Variants in FREM1 observed in about 807,000 individuals in gnomAD.
The protein encoded by FREM1 is FRAS1-related extracellular matrix protein 1.
Under a neutral mutation model 210.1 loss-of-function variants are expected in FREM1, and 220 were observed. That is an observed-to-expected ratio of 1.05 (90% confidence interval 0.94 to 1.17). The LOEUF (loss-of-function observed/expected upper bound fraction) is 1.17, where lower values mean the gene tolerates loss of function less well. Among genes scored for constraint, FREM1 ranks in the 50% most tolerant of loss-of-function variants. FREM1 has a pLI of 0.00. For missense variants in FREM1, 3,454 were observed against 2,675.5 expected (o/e 1.29, Z -6.42); for synonymous variants, 1,189 against 980.2 (o/e 1.21, Z -3.98).
In FREM1 at chr9:14,860,904, C is replaced by CATATATACAT. The variant is rs1419382535; in HGVS notation, c.330-1421_330-1420insATGTATATAT. 2.7e-5 allele frequency among the ~76,000 whole-genome samples: 2 copies of CATATATACAT among 74,200 alleles called. 1 individual carries two copies. The highest frequency in any genetic ancestry group is 2.0e-4 in the African/African-American group (2 of 10,078). The allele number at this position is 74,200 out of a possible 152,430, so 48.7% of individuals were successfully genotyped here. ...ATATACACATATATACATATATACA[C>CATATATACAT]ATATACACATATACACATATATACA... On this transcript the variant is annotated intron_variant, in intron 3 of 36. Coordinates refer to ENST00000380880, the MANE Select transcript of FREM1 (RefSeq NM_001379081.2).
intron 1 of FREM1, among the ~76,000 whole-genome samples, chr9:14,872,940 T>C (rs965180018): frequency 2.0e-5 from 3 of 150,590 alleles, no homozygotes; most frequent in Non-Finnish European, 3.0e-5. Flanking sequence ...GTGGTTTTTG[T>C]CTTTGGTTCT....
intron 25 of FREM1, 138 bp downstream of exon 25, chr9:14,775,651 T>A: frequency 1.7e-6 from 1 of 604,124 alleles, no homozygotes; most frequent in Non-Finnish European, 2.8e-6. Flanking sequence ...GAGATTGAAG[T>A]GAGCCAAGAT....
rs1215909977 is a variant in FREM1, at chr9:14,747,066, G to T, written c.6010-15C>A. 6.2e-7 allele frequency: 1 copy of T among 1,612,802 alleles called. No homozygotes were observed. The highest frequency in any genetic ancestry group is 8.5e-7 in the Non-Finnish European group (1 of 1,179,438). Reference sequence around the variant, plus strand: ...GGCAACTGGTCCTTTGGGAAGGAAAGGCAATTTAGCAATTTAGAATTGACT... The same window carrying T: ...GGCAACTGGTCCTTTGGGAAGGAAATGCAATTTAGCAATTTAGAATTGACT... On this transcript the variant is annotated splice_polypyrimidine_tract_variant and intron_variant, in intron 33 of 36. Coordinates refer to ENST00000380880, the MANE Select transcript of FREM1 (RefSeq NM_001379081.2).
chr9:14,813,257 C>G (rs1819726824), intron 15 of FREM1, among the ~76,000 whole-genome samples, 193 bp from the exon 16 acceptor site: 1 of 152,018 alleles, frequency 6.6e-6, no homozygotes, highest in Non-Finnish European at 1.5e-5. Flanking sequence ...CAAGAAATGC[C>G]CCATGTGACA....
intron 29 of FREM1, 146 bp from the exon 30 acceptor site, chr9:14,750,422 C>G (rs1843145365): frequency 3.4e-6 from 2 of 588,586 alleles, no homozygotes; most frequent in Non-Finnish European, 2.9e-6. Flanking sequence ...TGAAGTCCTG[C>G]TGTTCTCCCA....
intron 10 of FREM1, among the ~76,000 whole-genome samples, chr9:14,835,476 C>A (rs184075056): frequency 6.6e-6 from 1 of 152,160 alleles, no homozygotes; most frequent in African/African-American, 2.4e-5. Flanking sequence ...GAATCAAGCT[C>A]GACATGTACA....
chr9:14,744,771 T>A (rs886710616), intron 35 of FREM1, among the ~76,000 whole-genome samples: 2 of 152,222 alleles, frequency 1.3e-5, no homozygotes, highest in South Asian at 4.1e-4. Context: ...AGGAGTAGAA[T>A]ATGTTAGGTC....
chr9:14,775,034 G>A (rs1279675792), intron 25 of FREM1, among the ~76,000 whole-genome samples: 1 of 152,162 alleles, frequency 6.6e-6, no homozygotes, highest in Non-Finnish European at 1.5e-5. Context: ...TATTATATGT[G>A]TAATAGTGTA....
chr9:14,831,008 G>C (rs986011415), intron 10 of FREM1, among the ~76,000 whole-genome samples: 1 of 152,164 alleles, frequency 6.6e-6, no homozygotes, highest in Non-Finnish European at 1.5e-5. Flanking sequence ...TCAAGTCACG[G>C]ATATAAGGCT....
intron 5 of FREM1, among the ~76,000 whole-genome samples, chr9:14,853,031 T>G (rs1045214047): frequency 2.6e-5 from 4 of 151,916 alleles, no homozygotes; most frequent in Admixed American, 6.6e-5. Context: ...GAGAGAGGAG[T>G]GCTTTGCTGC....
intron 1 of FREM1, among the ~76,000 whole-genome samples, chr9:14,886,623 C>T (rs992420966): frequency 1.3e-5 from 2 of 151,806 alleles, no homozygotes; most frequent in African/African-American, 2.4e-5. Flanking sequence ...TGTACAGGGG[C>T]GGTGGCTCAC....
intron 18 of FREM1, among the ~76,000 whole-genome samples, chr9:14,806,274 G>A (rs1258462556): frequency 5.1e-5 from 4 of 78,744 alleles, no homozygotes; most frequent in African/African-American, 1.6e-4. Flanking sequence ...TTTTTTTTGA[G>A]ACGGAGTTTC....
intron 28 of FREM1, among the ~76,000 whole-genome samples, chr9:14,758,098 G>A (rs1262521851): frequency 6.6e-6 from 1 of 152,062 alleles, no homozygotes; most frequent in Non-Finnish European, 1.5e-5. Context: ...TCAAACCAGG[G>A]CAATCCACAC....
upstream of FREM1, chr9:14,910,790 T>A (rs1211801127): frequency 6.6e-6 from 1 of 152,248 alleles, no homozygotes; most frequent in African/African-American, 2.4e-5. Flanking sequence ...CCAACACACT[T>A]TTTTTCTGCC....
chr9:14,830,638 C>A (rs927811890), intron 10 of FREM1, among the ~76,000 whole-genome samples: 2 of 151,406 alleles, frequency 1.3e-5, no homozygotes, highest in Non-Finnish European at 2.9e-5. Flanking sequence ...GGCTTTGGAG[C>A]TCCCCCCGCT....
chr9:14,849,168 G>C (rs560465392), intron 6 of FREM1, among the ~76,000 whole-genome samples: 8 of 152,182 alleles, frequency 5.3e-5, no homozygotes, highest in Non-Finnish European at 1.2e-4. Context: ...GGAATGTCTG[G>C]AGGCATTTTT....
intron 18 of FREM1, among the ~76,000 whole-genome samples, chr9:14,805,724 T>TTA (rs1434455350): frequency 6.6e-6 from 1 of 152,230 alleles, no homozygotes; most frequent in East Asian, 1.9e-4. Context: ...GCAATTAATC[T>TTA]TATATTCAGT....
At chr9:14,839,591 A>G (rs1825269177) in intron 10 of FREM1, among the ~76,000 whole-genome samples, 1 of 152,236 alleles carries the variant, frequency 6.6e-6, no homozygotes, top group African/African-American at 2.4e-5. Flanking sequence ...ATAAACTTAT[A>G]ACTAGATCTA....
At chr9:14,793,673 C>T (rs184688556) in intron 21 of FREM1, among the ~76,000 whole-genome samples, 1 of 152,304 alleles carries the variant, frequency 6.6e-6, no homozygotes, top group East Asian at 1.9e-4. Flanking sequence ...CATGTGGGGC[C>T]TAACTCTGTC....
Sources: allele counts gnomAD v4.1 joint callset (sites outside exome capture counted in the v4.1 genomes callset), GRCh38; gene constraint gnomAD v4.1.1; transcripts MANE v1.5; gene names NCBI Gene and HGNC (gene_info 2026-07-23, HGNC 2026-07-21).